The following PTPRN2 variants were observed in gnomAD, a reference collection of about 807,000 sequenced individuals.
The protein encoded by PTPRN2 is protein tyrosine phosphatase receptor type N2.
A neutral mutation model predicts 118.8 loss-of-function variants in PTPRN2; 74 were observed. The observed-to-expected ratio is 0.62, with a 90% CI of 0.52 to 0.76. PTPRN2 has a LOEUF of 0.76. Among genes scored for constraint, PTPRN2 ranks in the 30% least tolerant of loss-of-function variants. The probability of loss-of-function intolerance (pLI) is 0.00; values close to 1 mark genes in which losing one functional copy is unlikely to be tolerated. For missense variants in PTPRN2, 1,481 were observed against 1,394.4 expected (o/e 1.06, Z -0.99); for synonymous variants, 641 against 608.0 (o/e 1.05, Z -0.80).
chr7:158,261,272 G>C (rs892968978), intron 3 of PTPRN2, among the ~76,000 whole-genome samples: 1 of 152,108 alleles, frequency 6.6e-6, no homozygotes, highest in Non-Finnish European at 1.5e-5. Context: ...AGAAGCTCCC[G>C]GAAAGATGGG....
intron 12 of PTPRN2, among the ~76,000 whole-genome samples, chr7:157,730,195 C>A (rs949607355): frequency 6.6e-6 from 1 of 152,078 alleles, no homozygotes; most frequent in Non-Finnish European, 1.5e-5. Flanking sequence ...CCTGCCCCCC[C>A]CCGGGCACTC....
intron 2 of PTPRN2, among the ~76,000 whole-genome samples, chr7:158,463,572 ATTG>A (rs1350342936): frequency 6.6e-6 from 1 of 151,744 alleles, no homozygotes; most frequent in Non-Finnish European, 1.5e-5. Flanking sequence ...TGTCATCATC[ATTG>A]TTGTCAATAT....
intron 2 of PTPRN2, among the ~76,000 whole-genome samples, chr7:158,487,088 T>C (rs1821087014): frequency 6.6e-6 from 1 of 152,246 alleles, no homozygotes; most frequent in African/African-American, 2.4e-5. Context: ...CCCCCCATGT[T>C]TCAGCGAGTG....
At position 157,591,565 on chromosome 7, in the gene PTPRN2, G is replaced by A. The variant is rs1231601505; in HGVS notation, c.2496+3673C>T. Among the ~76,000 whole-genome samples the A allele has an allele frequency of 6.6e-6, 1 of 152,238 alleles. No homozygotes were observed. The highest frequency in any genetic ancestry group is 1.9e-4 in the East Asian group (1 of 5,200). On this transcript the variant is annotated intron_variant, in intron 17 of 22. Transcript: ENST00000389418. This position sits in a 1 kb window ranked among gnomAD's most constrained non-coding sequence, Gnocchi z 4.4. ...TTTGGAAAAGTTCTGCCTTCCGTGG[G>A]AGGTTTTAAAGACAGGTGTTCTTCC...
At chr7:157,919,245 C>T (rs753551615) in intron 11 of PTPRN2, among the ~76,000 whole-genome samples, 6 of 152,106 alleles carry the variant, frequency 3.9e-5, no homozygotes, top group Non-Finnish European at 8.8e-5. Flanking sequence ...ATTCTCTAAG[C>T]AAAATCTAAT....
intron 14 of PTPRN2, among the ~76,000 whole-genome samples, chr7:157,649,337 C>T (rs1585169900): frequency 1.1e-5 from 1 of 91,356 alleles, no homozygotes; most frequent in Non-Finnish European, 2.5e-5. Context: ...GTGCACTGAA[C>T]TCAGTGGGTC....
At chr7:158,507,431 A>C (rs1257972283) in intron 1 of PTPRN2, among the ~76,000 whole-genome samples, 2 of 149,584 alleles carry the variant, frequency 1.3e-5, no homozygotes, top group Non-Finnish European at 3.0e-5. Context: ...AGTGAGGACC[A>C]TCCAGGGGAC....
At chr7:158,149,585 C>G (rs1395613530) in intron 6 of PTPRN2, among the ~76,000 whole-genome samples, 1 of 152,044 alleles carries the variant, frequency 6.6e-6, no homozygotes, top group Non-Finnish European at 1.5e-5. Context: ...GGTGGATCAC[C>G]TGAGGTCAGG....
chr7:158,330,195 C>T (rs1586291348), intron 2 of PTPRN2, among the ~76,000 whole-genome samples: 1 of 133,924 alleles, frequency 7.5e-6, no homozygotes, highest in Non-Finnish European at 1.7e-5. Flanking sequence ...TCACTCACAC[C>T]CACACTCTCA....
chr7:157,771,800 CACAA>C (rs1802834733), intron 12 of PTPRN2, among the ~76,000 whole-genome samples: 1 of 148,598 alleles, frequency 6.7e-6, no homozygotes, highest in Non-Finnish European at 1.5e-5. Flanking sequence ...CAGACACAGA[CACAA>C]ACACACAGAC....
chr7:157,651,966 C>T (rs1339755097), intron 14 of PTPRN2, among the ~76,000 whole-genome samples: 1 of 152,218 alleles, frequency 6.6e-6, no homozygotes, highest in East Asian at 1.9e-4. Context: ...TCCAGACAGT[C>T]CAAGGCAGGG....
intron 6 of PTPRN2, among the ~76,000 whole-genome samples, chr7:158,163,317 C>CG (rs1416421605): frequency 6.6e-6 from 1 of 150,568 alleles, no homozygotes; most frequent in Non-Finnish European, 1.5e-5. Context: ...GATACCTGCA[C>CG]GGGGTTCTCA....
At chr7:157,848,037 C>T (rs1325397648) in intron 12 of PTPRN2, among the ~76,000 whole-genome samples, 1 of 151,246 alleles carries the variant, frequency 6.6e-6, no homozygotes, top group South Asian at 2.1e-4. Context: ...CTCATTACAT[C>T]GTGTGTGCCT....
intron 6 of PTPRN2, among the ~76,000 whole-genome samples, chr7:158,164,788 G>A (rs1822777181): frequency 6.6e-6 from 1 of 152,190 alleles, no homozygotes; most frequent in Admixed American, 6.5e-5. Context: ...CCACTAGAAG[G>A]AGTATAGAGG....
chr7:157,866,391 C>G (rs1016364691), intron 12 of PTPRN2, among the ~76,000 whole-genome samples: 6 of 152,088 alleles, frequency 3.9e-5, no homozygotes, highest in Non-Finnish European at 8.8e-5. Context: ...CACACACGTC[C>G]ACATGTACAC....
intron 2 of PTPRN2, among the ~76,000 whole-genome samples, chr7:158,444,204 C>T (rs1315476214): frequency 1.3e-5 from 2 of 152,256 alleles, no homozygotes; most frequent in African/African-American, 2.4e-5. Context: ...CCAGCAAGAG[C>T]GGAATGTTCA....
At chr7:157,870,350 ATCTCAT>A (rs1302622798) in intron 12 of PTPRN2, among the ~76,000 whole-genome samples, 4 of 152,206 alleles carry the variant, frequency 2.6e-5, no homozygotes, top group African/African-American at 9.7e-5. Context: ...CTTCAATATC[ATCTCAT>A]TCTTTCTTAA....
At chr7:158,571,091 T>C (rs1828004781) in intron 1 of PTPRN2, among the ~76,000 whole-genome samples, 2 of 152,232 alleles carry the variant, frequency 1.3e-5, no homozygotes, top group South Asian at 4.1e-4. Context: ...TTTTATTTCA[T>C]TTTATTTCCA....
chr7:157,575,120 T>C (rs1799962778), intron 19 of PTPRN2, among the ~76,000 whole-genome samples: 1 of 152,236 alleles, frequency 6.6e-6, no homozygotes, highest in African/African-American at 2.4e-5. Context: ...TATATGGATA[T>C]GGACATAGCA....
Sources: allele counts gnomAD v4.1 joint callset (sites outside exome capture counted in the v4.1 genomes callset), GRCh38; gene constraint gnomAD v4.1.1; non-coding constraint Gnocchi (gnomAD v3.1); transcripts MANE v1.5; gene names NCBI Gene and HGNC (gene_info 2026-07-23, HGNC 2026-07-21).